Variants in RASGRP3 observed in about 807,000 individuals in gnomAD.
The protein encoded by RASGRP3 is RAS guanyl releasing protein 3, also known as ras guanyl-releasing protein 3.
A neutral mutation model predicts 82.7 loss-of-function variants in RASGRP3; 54 were observed. That is an observed-to-expected ratio of 0.65 (90% confidence interval 0.52 to 0.82). RASGRP3 has a LOEUF of 0.82. Ranked by LOEUF, RASGRP3 falls within the 40% of genes least tolerant of loss-of-function variation. The pLI is 0.00. For synonymous variants in RASGRP3, 309 were observed against 300.5 expected, an observed-to-expected ratio of 1.03 and a Z score of -0.29; for missense variants, 861 against 828.9, an observed-to-expected ratio of 1.04 and a Z score of -0.48.
At chr2:33,560,378 G>C (rs901558996) in intron 17 of RASGRP3, among the ~76,000 whole-genome samples, 1 of 152,140 alleles carries the variant, frequency 6.6e-6, no homozygotes, top group Non-Finnish European at 1.5e-5. Flanking sequence ...CACAGTTCAA[G>C]CTGGGAATAT....
chr2:33,473,544 G>A (rs1376713414), upstream of RASGRP3, among the ~76,000 whole-genome samples: 2 of 152,192 alleles, frequency 1.3e-5, no homozygotes, highest in African/African-American at 2.4e-5. Context: ...ACACAAAGCC[G>A]AGGTAGGAGG....
intron 11 of RASGRP3, among the ~76,000 whole-genome samples, chr2:33,536,325 A>AG (rs1673602817): frequency 7.1e-6 from 1 of 141,292 alleles, no homozygotes; most frequent in African/African-American, 2.5e-5. Flanking sequence ...TAAAAAAGAA[A>AG]AAAAAAAAAA....
At chr2:33,487,819 G>T (rs766930387) in intron 1 of RASGRP3, among the ~76,000 whole-genome samples, 1 of 152,134 alleles carries the variant, frequency 6.6e-6, no homozygotes, top group Non-Finnish European at 1.5e-5. Context: ...AGCCATTAAT[G>T]CCAGCCATGG....
chr2:33,477,138 T>C (rs1257696122), intron 1 of RASGRP3, among the ~76,000 whole-genome samples: 1 of 152,252 alleles, frequency 6.6e-6, no homozygotes, highest in Non-Finnish European at 1.5e-5. Flanking sequence ...CCTGAAAACG[T>C]AGTTGTTTAA....
At chr2:33,518,523 T>G (rs1671675990) in intron 4 of RASGRP3, among the ~76,000 whole-genome samples, 1 of 152,148 alleles carries the variant, frequency 6.6e-6, no homozygotes, top group East Asian at 1.9e-4. Context: ...TACACCAAAT[T>G]ATAAAAATAT....
chr2:33,557,222 A>G (rs1052242587), intron 15 of RASGRP3, among the ~76,000 whole-genome samples: 19 of 152,290 alleles, frequency 1.2e-4, no homozygotes, highest in African/African-American at 4.6e-4. Flanking sequence ...TTCTACCCCA[A>G]GTAGTAATTA....
intron 1 of RASGRP3, among the ~76,000 whole-genome samples, chr2:33,437,173 T>C (rs1664972349): frequency 6.6e-6 from 1 of 152,230 alleles, no homozygotes; most frequent in Non-Finnish European, 1.5e-5. Flanking sequence ...TTTCCAGTGA[T>C]AGAAAGTGTT....
chr2:33,509,718 G>A (rs1670747555), intron 1 of RASGRP3, among the ~76,000 whole-genome samples: 1 of 152,102 alleles, frequency 6.6e-6, no homozygotes, highest in Admixed American at 6.5e-5. Context: ...TTCTTTGCTA[G>A]ACTATAGAGG....
intron 16 of RASGRP3, 139 bp from the exon 17 acceptor site, chr2:33,558,533 G>C: frequency 1.8e-6 from 2 of 1,120,814 alleles, no homozygotes; most frequent in Non-Finnish European, 2.5e-6. Flanking sequence ...TATGTAACTT[G>C]CCTGCGGCTA....
At chr2:33,551,425 C>T (rs1044723437) in intron 14 of RASGRP3, among the ~76,000 whole-genome samples, 14 of 152,178 alleles carry the variant, frequency 9.2e-5, no homozygotes, top group African/African-American at 3.1e-4. Flanking sequence ...TAACACGCTC[C>T]TACAGAGTGG....
At chr2:33,520,076 CT>C (rs1671877801) in intron 5 of RASGRP3, 62 bp downstream of exon 5, 2 of 1,356,042 alleles carry the variant, frequency 1.5e-6, no homozygotes, top group Non-Finnish European at 2.1e-6. Flanking sequence ...GGACAATTTC[CT>C]TTTCCCCAAG....
At chr2:33,456,202 A>G (rs1574238931) in intron 2 of RASGRP3, among the ~76,000 whole-genome samples, 1 of 152,136 alleles carries the variant, frequency 6.6e-6, no homozygotes, top group East Asian at 1.9e-4. Context: ...CTACACACAT[A>G]TAGCCCTACA....
At chr2:33,482,415 C>T (rs189915080) in intron 1 of RASGRP3, 22 of 152,314 alleles carry the variant, frequency 1.4e-4, no homozygotes, top group African/African-American at 3.6e-4. Context: ...CATGATGTAA[C>T]GTTACCTTTT....
intron 1 of RASGRP3, among the ~76,000 whole-genome samples, chr2:33,497,326 G>T (rs1669419800): frequency 6.6e-6 from 1 of 152,164 alleles, no homozygotes; most frequent in Admixed American, 6.5e-5. Flanking sequence ...ATAAAGATTG[G>T]CAAGGGTCTA....
In RASGRP3 at chr2:33,563,834, T is replaced by C. The variant is rs1009426976; in HGVS notation, c.*1097T>C. Reference sequence around the variant, plus strand: ...TTCATTTAAGCTTTTAAAATATCAATTTTTTAAATAGCTCCCATTTACCCA... The same window carrying C: ...TTCATTTAAGCTTTTAAAATATCAACTTTTTAAATAGCTCCCATTTACCCA... On this transcript the variant is annotated 3_prime_UTR_variant, in exon 18 of 18. Transcript: ENST00000403687. 2.0e-5 allele frequency: 3 copies of C among 152,198 alleles called. No homozygotes were observed. The highest frequency in any genetic ancestry group is 7.2e-5 in the African/African-American group (3 of 41,470). 9.4% of individuals were successfully genotyped at this position (152,198 alleles called of 1,614,324 possible).
intron 11 of RASGRP3, among the ~76,000 whole-genome samples, chr2:33,536,515 G>T (rs1405885998): frequency 1.3e-5 from 2 of 151,740 alleles, no homozygotes; most frequent in Non-Finnish European, 2.9e-5. Context: ...TACCACACTT[G>T]CCTGCCTTGT....
intron 1 of RASGRP3, among the ~76,000 whole-genome samples, chr2:33,442,247 C>G (rs1205351499): frequency 2.0e-5 from 3 of 152,190 alleles, no homozygotes; most frequent in Non-Finnish European, 2.9e-5. Context: ...GCCTGTAGTC[C>G]CAGCTACTCA....
At chr2:33,439,774 G>T (rs1232106080) in intron 1 of RASGRP3, among the ~76,000 whole-genome samples, 1 of 152,066 alleles carries the variant, frequency 6.6e-6, no homozygotes, top group Non-Finnish European at 1.5e-5. Context: ...TTCAGAAGGT[G>T]GTGGGACTTT....
At chr2:33,483,336 C>T (rs539107721) in intron 1 of RASGRP3, among the ~76,000 whole-genome samples, 12 of 152,178 alleles carry the variant, frequency 7.9e-5, no homozygotes, top group Middle Eastern at 3.4e-3. Context: ...ATCATTATGC[C>T]GTTGATTTGC....
Sources: gnomAD v4.1 joint callset for allele counts (sites outside exome capture counted in the v4.1 genomes callset) on GRCh38, gnomAD v4.1.1 for gene constraint, MANE v1.5 for transcripts, NCBI Gene and HGNC (gene_info 2026-07-23, HGNC 2026-07-21) for gene names.